Variants in DNAH9 observed in about 807,000 individuals in gnomAD.
DNAH9 encodes the protein dynein axonemal heavy chain 9, also known as DNAH9 variant protein.
Under a neutral mutation model 471.6 loss-of-function variants are expected in DNAH9, and 345 were observed. The observed-to-expected ratio is 0.73, with a 90% CI of 0.67 to 0.80. DNAH9 has a LOEUF of 0.80. Ranked by LOEUF, DNAH9 falls within the 30% of genes least tolerant of loss-of-function variation. DNAH9 has a pLI of 0.00. For missense variants in DNAH9, 5,407 were observed against 5,609.2 expected (o/e 0.96, Z 1.15); for synonymous variants, 2,093 against 2,123.6 (o/e 0.99, Z 0.40).
chr17:11,792,071 T>C (rs1391151840), intron 41 of DNAH9, among the ~76,000 whole-genome samples: 1 of 151,708 alleles, frequency 6.6e-6, no homozygotes, highest in Non-Finnish European at 1.5e-5. Flanking sequence ...CACCTGAGGT[T>C]GGGAGTTCAA....
rs1005664165 is a variant in DNAH9, at chr17:11,823,043, T to C, written c.9246+9T>C. The C allele has an allele frequency of 1.2e-6, 2 of 1,603,404 alleles. No homozygotes were observed. The highest frequency in any genetic ancestry group is 1.7e-4 in the Middle Eastern group (1 of 6,030). On this transcript the variant is annotated intron_variant, in intron 48 of 68. Coordinates refer to ENST00000262442, the MANE Select transcript of DNAH9 (RefSeq NM_001372.4). ...ATAGCACCTCTGCCCAGGTGAGCAA[T>C]GTCCCGCTCCTTCCACCTGCAGGGG...
At chr17:11,933,505 C>T (rs778264875) in intron 64 of DNAH9, among the ~76,000 whole-genome samples, 8 of 151,966 alleles carry the variant, frequency 5.3e-5, no homozygotes, top group East Asian at 1.9e-4. Context: ...CTCAGCCTCC[C>T]GAGTAGCTGG....
In DNAH9 at chr17:11,869,148, C is replaced by G. The variant is rs1425478516; in HGVS notation, c.9948C>G (p.Asn3316Lys). 6.2e-7 allele frequency: 1 copy of G among 1,613,464 alleles called. No individual in the cohort carries two copies. Among genetic ancestry groups the G allele is most frequent in the Non-Finnish European group, 8.5e-7 (1 of 1,179,714 alleles). ...IKAKIAHLNE[N>K]LAKLTARFEK... Reference sequence around the variant, plus strand: ...TTCCTAAACAGCACCTTAATGAAAACCTGGCAAAGCTCACAGCCAGGTTTG... The same window carrying G: ...TTCCTAAACAGCACCTTAATGAAAAGCTGGCAAAGCTCACAGCCAGGTTTG... The change falls in exon 51 of 69, where the codon AAC (asparagine) becomes AAG (lysine). Residue 3316 changes from asparagine to lysine, a missense_variant. Physicochemically the swap from Asn to Lys is moderately conservative, Grantham distance 94. Coordinates refer to ENST00000262442, the MANE Select transcript of DNAH9 (RefSeq NM_001372.4).
intron 50 of DNAH9, among the ~76,000 whole-genome samples, chr17:11,867,107 C>A (rs1375151913): frequency 6.6e-6 from 1 of 152,254 alleles, no homozygotes; most frequent in Non-Finnish European, 1.5e-5. Flanking sequence ...CACCCGTCTT[C>A]TGCGTCGCTA....
At chr17:11,943,696 A>G (rs939955789) in intron 67 of DNAH9, among the ~76,000 whole-genome samples, 1 of 152,050 alleles carries the variant, frequency 6.6e-6, no homozygotes, top group Admixed American at 6.6e-5. Context: ...AAAAACAAAA[A>G]AATCAAGGTT....
chr17:11,689,543 A>G (rs998422703), intron 19 of DNAH9, 23 bp from the exon 20 acceptor site: 66 of 1,588,288 alleles, frequency 4.2e-5, no homozygotes, highest in Non-Finnish European at 5.6e-5. Context: ...CATACTTACA[A>G]AGGAACACAC....
chr17:11,692,458 G>C (rs1426611042), intron 20 of DNAH9, among the ~76,000 whole-genome samples: 1 of 152,168 alleles, frequency 6.6e-6, no homozygotes. Context: ...TGGGAAAAAT[G>C]TTGACAACGG....
At chr17:11,799,538 T>C (rs16940757) in intron 43 of DNAH9, among the ~76,000 whole-genome samples, 18,271 of 151,876 alleles carry the variant, frequency 0.12, 2,063 homozygotes, top group African/African-American at 0.3. Flanking sequence ...CCTAACTTTC[T>C]TGTCATTGTA....
intron 48 of DNAH9, among the ~76,000 whole-genome samples, chr17:11,831,728 T>C (rs1970691064): frequency 6.6e-6 from 1 of 152,168 alleles, no homozygotes; most frequent in South Asian, 2.1e-4. Flanking sequence ...TTTCAGTTCT[T>C]CTAGTTCCTT....
intron 4 of DNAH9, among the ~76,000 whole-genome samples, chr17:11,617,051 A>G (rs2072760980): frequency 6.6e-6 from 1 of 152,182 alleles, no homozygotes; most frequent in Admixed American, 6.5e-5. Flanking sequence ...TACAATTGCC[A>G]AGCGTCTCGG....
Position 11,756,637 on chromosome 17 carries a change from C to T in DNAH9, c.6808C>T (p.His2270Tyr), listed in dbSNP as rs1967401557. The change falls in exon 34 of 69, where the codon CAC becomes TAC. Residue 2270 changes from histidine to tyrosine, a missense_variant. Transcript: ENST00000262442. ...CATGAAGCTCCTCTTTGAGATCAGC[C>T]ACCTGCGCACAGCCACTCCAGCAAC... ...PTMKLLFEIS[H>Y]LRTATPATVS... The T allele has an allele frequency of 1.2e-6, 2 of 1,613,532 alleles. No homozygotes were observed. The highest frequency in any genetic ancestry group is 1.3e-5 in the African/African-American group (1 of 75,000).
At position 11,705,064 on chromosome 17, in the gene DNAH9, C is replaced by T. The variant is rs746428454; in HGVS notation, c.5431C>T (p.Arg1811Cys). The stretch of plus-strand genomic sequence containing the variant: ...GGCTTTCCTCTGGCTGTCTCAGCTG[C>T]GCCATCGTTGGGATGACGAGGTCAA... The part of the protein sequence containing the change: ...AQAFLWLSQL[R>C]HRWDDEVKHC... The change falls in exon 26 of 69, where the codon CGC becomes TGC. Residue 1811 changes from arginine to cysteine, a missense_variant. Physicochemically the swap from Arg to Cys is radical, Grantham distance 180. This residue lies in a region of DNAH9 where 4,636 missense variants were observed against 4,900.3 expected (regional missense o/e 0.95). Transcript: ENST00000262442. The T allele has an allele frequency of 2.5e-5, 41 of 1,614,040 alleles. No homozygotes were observed. Among genetic ancestry groups the T allele is most frequent in the Non-Finnish European group, 3.4e-5 (40 of 1,179,970 alleles).
chr17:11,744,767 T>A, intron 30 of DNAH9, 30 bp from the exon 31 acceptor site: 1 of 1,585,686 alleles, frequency 6.3e-7, no homozygotes, highest in Non-Finnish European at 8.6e-7. Context: ...GTTCTGTCTC[T>A]CTGTCACTTT....
intron 1 of DNAH9, among the ~76,000 whole-genome samples, chr17:11,605,802 A>G (rs765876311): frequency 1.3e-5 from 2 of 151,728 alleles, no homozygotes; most frequent in Non-Finnish European, 2.9e-5. Flanking sequence ...GCACCTGGCT[A>G]TGAGTTGCTT....
intron 45 of DNAH9, among the ~76,000 whole-genome samples, chr17:11,818,184 A>C (rs1970168800): frequency 6.6e-6 from 1 of 152,218 alleles, no homozygotes; most frequent in Non-Finnish European, 1.5e-5. Flanking sequence ...TAATCCCAGC[A>C]CTTTGGGAGG....
intron 23 of DNAH9, among the ~76,000 whole-genome samples, chr17:11,700,795 A>G (rs2074578974): frequency 6.6e-6 from 1 of 152,206 alleles, no homozygotes; most frequent in Admixed American, 6.5e-5. Context: ...ATGAGAAGCC[A>G]CTGATTTATT....
At chr17:11,784,232 A>G in intron 40 of DNAH9, 68 bp from the exon 41 acceptor site, 1 of 1,594,636 alleles carries the variant, frequency 6.3e-7, no homozygotes, top group Non-Finnish European at 8.6e-7. Flanking sequence ...GTTATCTCCA[A>G]ATTCAGAAGC....
intron 41 of DNAH9, among the ~76,000 whole-genome samples, chr17:11,785,526 A>C (rs1396246039): frequency 6.6e-6 from 1 of 152,090 alleles, no homozygotes; most frequent in Non-Finnish European, 1.5e-5. Flanking sequence ...TGATTGTAAG[A>C]AGCAGAAACC....
intron 67 of DNAH9, among the ~76,000 whole-genome samples, chr17:11,949,114 C>G (rs777423962): frequency 6.6e-5 from 10 of 152,158 alleles, no homozygotes; most frequent in Non-Finnish European, 1.3e-4. Flanking sequence ...CGAAGACCTA[C>G]AGGAAAAATG....
Sources: allele counts gnomAD v4.1 joint callset (sites outside exome capture counted in the v4.1 genomes callset), GRCh38; gene constraint gnomAD v4.1.1; regional missense constraint gnomAD v4.1.1; transcripts MANE v1.5; gene names NCBI Gene and HGNC (gene_info 2026-07-23, HGNC 2026-07-21).